Variants in TSPAN17 observed in about 807,000 individuals in gnomAD.
TSPAN17 encodes the protein tetraspanin-17.
A neutral mutation model predicts 40.5 loss-of-function variants in TSPAN17; 33 were observed. The ratio of observed to expected loss-of-function variants is 0.81; its 90% CI spans 0.62 to 1.09. TSPAN17 has a LOEUF of 1.09. TSPAN17 is among the 50% of genes least tolerant of loss of function. TSPAN17 has a pLI of 0.00. For synonymous variants in TSPAN17, 166 were observed against 169.4 expected, an observed-to-expected ratio of 0.98 and a Z score of 0.15; for missense variants, 365 against 416.8, an observed-to-expected ratio of 0.88 and a Z score of 1.08.
intron 1 of TSPAN17, among the ~76,000 whole-genome samples, chr5:176,649,076 G>A (rs1367208182): frequency 3.9e-5 from 6 of 152,162 alleles, no homozygotes; most frequent in Non-Finnish European, 5.9e-5. Context: ...GTGGCATGGA[G>A]AAGCGAGGGC....
At chr5:176,656,855 G>T (rs780961599) in intron 7 of TSPAN17, 39 bp downstream of exon 7, 1 of 1,614,196 alleles carries the variant, frequency 6.2e-7, no homozygotes, top group Non-Finnish European at 8.5e-7. Context: ...CCTTGCCGGG[G>T]CCGCCCTCAC....
rs1381975409 is a variant in TSPAN17, at chr5:176,650,061, C to G, written c.88-1555C>G. ...TCTGCTCACTGACTGTCCATCTCCC[C>G]TGCTGGAGTGTAAGCTCCGTGAGGG... On this transcript the variant is annotated intron_variant, in intron 1 of 8. Coordinates refer to ENST00000508164, the MANE Select transcript of TSPAN17 (RefSeq NM_130465.5). The surrounding 1 kb of genome is among the most constrained non-coding windows in gnomAD (Gnocchi z 4.0). Among the ~76,000 whole-genome samples, 1 of 152,214 alleles carries G rather than the reference C, an allele frequency of 6.6e-6. No homozygotes were observed. The highest frequency in any genetic ancestry group is 1.5e-5 in the Non-Finnish European group (1 of 68,042).
chr5:176,647,556 C>T lies in TSPAN17; in HGVS notation c.-60C>T, dbSNP rs1760782914. On this transcript the variant is annotated 5_prime_UTR_variant, in exon 1 of 9. Transcript: ENST00000508164. Reference sequence around the variant, plus strand: ...CGGGCGGCTCTAGCCCAGGGCGGCCCGCGGGGCGCTGGGCCTGGCTCCCGG... The same window carrying T: ...CGGGCGGCTCTAGCCCAGGGCGGCCTGCGGGGCGCTGGGCCTGGCTCCCGG... The T allele has an allele frequency of 3.4e-6, 5 of 1,477,928 alleles. No individual in the cohort carries two copies. The highest frequency in any genetic ancestry group is 2.1e-5 in the Admixed American group (1 of 47,220). The allele number at this position is 1,477,928 out of a possible 1,614,324, so 91.6% of individuals were successfully genotyped here.
Position 176,654,734 on chromosome 5 carries a change from G to A in TSPAN17, c.457-161G>A. On this transcript the variant is annotated intron_variant, in intron 4 of 8. Coordinates refer to ENST00000508164, the MANE Select transcript of TSPAN17 (RefSeq NM_130465.5). The surrounding 1 kb of genome is among the most constrained non-coding windows in gnomAD (Gnocchi z 4.3). ...CCCCTCTGCCTCCACCAGCCTGGAG[G>A]TTGGGCCCAGGCCTGTGGGGGTGGG... The A allele has an allele frequency of 1.2e-6, 1 of 840,918 alleles. No individual in the cohort carries two copies. Among genetic ancestry groups the A allele is most frequent in the Non-Finnish European group, 1.8e-6 (1 of 551,916 alleles). 52.1% of individuals were successfully genotyped at this position (840,918 alleles called of 1,614,324 possible). A position where few individuals can be genotyped will look rare whatever the true frequency, so the allele number is the denominator to read the frequency against.
At chr5:176,656,668 G>C in intron 6 of TSPAN17, 32 bp from the exon 7 acceptor site, 1 of 1,610,296 alleles carries the variant, frequency 6.2e-7, no homozygotes, top group South Asian at 1.1e-5. Flanking sequence ...TGAAGGGCAG[G>C]TAGGCTGAGC....
intron 8 of TSPAN17, 56 bp downstream of exon 8, chr5:176,657,012 C>T (rs751528425): frequency 1.3e-6 from 2 of 1,531,696 alleles, no homozygotes; most frequent in African/African-American, 1.4e-5. Flanking sequence ...CTCTGGGGGG[C>T]CCCCCAGGAC....
intron 1 of TSPAN17, among the ~76,000 whole-genome samples, chr5:176,649,404 C>T (rs1005366430): frequency 2.0e-4 from 30 of 151,842 alleles, no homozygotes; most frequent in African/African-American, 7.0e-4. Context: ...TGTTTGGAAA[C>T]TGCTTGTGGT....
intron 8 of TSPAN17, 198 bp downstream of exon 8, chr5:176,657,154 G>C (rs1044103599): frequency 3.5e-5 from 23 of 648,568 alleles, no homozygotes; most frequent in Non-Finnish European, 5.8e-5. Flanking sequence ...TGGGCCTCTT[G>C]TCCCATATGC....
At chr5:176,656,377 G>A (rs1761157707) in intron 6 of TSPAN17, among the ~76,000 whole-genome samples, 1 of 152,222 alleles carries the variant, frequency 6.6e-6, no homozygotes, top group African/African-American at 2.4e-5. Flanking sequence ...CAGAGATTTG[G>A]TGCTCATGAG....
At chr5:176,648,546 A>G (rs566614414) in intron 1 of TSPAN17, among the ~76,000 whole-genome samples, 2 of 152,328 alleles carry the variant, frequency 1.3e-5, no homozygotes, top group African/African-American at 4.8e-5. Context: ...CCTTGTGTTC[A>G]GCAAGACTCA....
chr5:176,652,678 C>A (rs1761013940), intron 3 of TSPAN17, 65 bp from the exon 4 acceptor site: 2 of 1,543,956 alleles, frequency 1.3e-6, no homozygotes, highest in Admixed American at 1.7e-5. Context: ...GTGGCACACC[C>A]AAGCCCTGGG....
rs749907075 is a variant in TSPAN17, at chr5:176,651,777, G to A, written c.162G>A (p.Ala54=). 3.1e-6 allele frequency: 5 copies of A among 1,614,046 alleles called. No homozygotes were observed. The highest frequency in any genetic ancestry group is 1.1e-5 in the South Asian group (1 of 91,088). The change falls in exon 3 of 9, where the codon GCG becomes GCA. Residue 54 remains alanine, a synonymous_variant. Transcript: ENST00000508164. The surrounding 1 kb of genome is among the most constrained non-coding windows in gnomAD (Gnocchi z 4.5). ...GEKGVLSNIS[A]LTDLGGLDPV... ...AGGGCGTTCTCTCGAACATCTCAGC[G>A]CTGACAGATCTGGGAGGCCTTGACC...
Position 176,654,828 on chromosome 5 carries a change from G to C in TSPAN17, c.457-67G>C. The stretch of plus-strand genomic sequence containing the variant: ...CCCTGTATTCCTGCAGCCTGGGCTT[G>C]TTCCCAAACAGGGTGAGGCTCCTGG... On this transcript the variant is annotated intron_variant, in intron 4 of 8. Coordinates refer to ENST00000508164, the MANE Select transcript of TSPAN17 (RefSeq NM_130465.5). This position sits in a 1 kb window ranked among gnomAD's most constrained non-coding sequence, Gnocchi z 4.3. The C allele has an allele frequency of 6.3e-7, 1 of 1,586,344 alleles. No individual in the cohort carries two copies. The highest frequency in any genetic ancestry group is 1.1e-5 in the South Asian group (1 of 86,994).
intron 8 of TSPAN17, 172 bp downstream of exon 8, chr5:176,657,128 T>C: frequency 1.4e-6 from 1 of 704,766 alleles, no homozygotes; most frequent in South Asian, 1.9e-5. Flanking sequence ...ACGGAGGAAG[T>C]TGCTGTGCCT....
rs1218262309 is a variant in TSPAN17, at chr5:176,647,567, G to A, written c.-49G>A. On this transcript the variant is annotated 5_prime_UTR_variant, in exon 1 of 9. Transcript: ENST00000508164. ...AGCCCAGGGCGGCCCGCGGGGCGCTGGGCCTGGCTCCCGGCTCCGGTTTCC... is the reference window on the plus strand; with the variant it reads ...AGCCCAGGGCGGCCCGCGGGGCGCTAGGCCTGGCTCCCGGCTCCGGTTTCC... 7 of 1,519,358 alleles carry A rather than the reference G, an allele frequency of 4.6e-6. No homozygotes were observed. In the African/African-American group the frequency reaches 7.0e-5, roughly 15 times the overall value. The allele number at this position is 1,519,358 out of a possible 1,614,324, so 94.1% of individuals were successfully genotyped here. A position where few individuals can be genotyped will look rare whatever the true frequency, so the allele number is the denominator to read the frequency against.
Position 176,654,929 on chromosome 5 carries a change from G to A in TSPAN17, c.491G>A (p.Trp164Ter), listed in dbSNP as rs750207951. ...SCCGARGPNDWNLNIYFNCTD... is the reference protein window; with the variant it reads ...SCCGARGPND ...TGCGGAGCCCGAGGCCCCAATGACT[G>A]GAACCTCAATATCTACTTCAACTGC... The change falls in exon 5 of 9, where the codon TGG (tryptophan) becomes TAG (stop). Residue 164 changes from tryptophan (W) to a stop codon, truncating the protein, a stop_gained. Transcript: ENST00000508164. LOFTEE classifies it high-confidence loss of function. The surrounding 1 kb of genome is among the most constrained non-coding windows in gnomAD (Gnocchi z 4.3). 9 of 1,613,768 alleles carry A rather than the reference G, an allele frequency of 5.6e-6. No homozygotes were observed. The Admixed American group carries it at 8.3e-5, about 15-fold the overall frequency.
Position 176,656,067 on chromosome 5 carries a change from T to C in TSPAN17, c.583-11T>C. 3 of 1,614,018 alleles carry C rather than the reference T, an allele frequency of 1.9e-6. No individual in the cohort carries two copies. The highest frequency in any genetic ancestry group is 2.5e-6 in the Non-Finnish European group (3 of 1,179,974). ...CCTCACCAAGTCACTAACTGGCCTG[T>C]CTCCCCTCAGGAGGATGTCCTCAAC... On this transcript the variant is annotated splice_polypyrimidine_tract_variant and intron_variant, in intron 5 of 8. Coordinates refer to ENST00000508164, the MANE Select transcript of TSPAN17 (RefSeq NM_130465.5).
chr5:176,648,344 A>G (rs1456093292), intron 1 of TSPAN17, among the ~76,000 whole-genome samples: 2 of 152,162 alleles, frequency 1.3e-5, no homozygotes, highest in East Asian at 3.9e-4. Context: ...AACAGAATTC[A>G]ACATTCCACA....
At position 176,650,487 on chromosome 5, in the gene TSPAN17, G is replaced by T. The variant is rs1760927058; in HGVS notation, c.88-1129G>T. 6.6e-6 allele frequency among the ~76,000 whole-genome samples: 1 copy of T among 152,182 alleles called. No individual in the cohort carries two copies. Among genetic ancestry groups the T allele is most frequent in the African/African-American group, 2.4e-5 (1 of 41,450 alleles). ...GGGAAGGAGCTCGGGGAGGAATGGG[G>T]TTGAGTTAACTGAGGTGGGGTTCAG... On this transcript the variant is annotated intron_variant, in intron 1 of 8. Transcript: ENST00000508164. This position sits in a 1 kb window ranked among gnomAD's most constrained non-coding sequence, Gnocchi z 4.0.
Sources: gnomAD v4.1 joint callset for allele counts (sites outside exome capture counted in the v4.1 genomes callset) on GRCh38, gnomAD v4.1.1 for gene constraint, Gnocchi (gnomAD v3.1) non-coding constraint, MANE v1.5 for transcripts, NCBI Gene and HGNC (gene_info 2026-07-23, HGNC 2026-07-21) for gene names.